Variants in NDUFB7 observed in about 807,000 individuals in gnomAD.
The protein encoded by NDUFB7 is NADH dehydrogenase [ubiquinone] 1 beta subcomplex subunit 7.
Under a neutral mutation model 14.7 loss-of-function variants are expected in NDUFB7, and 18 were observed. The observed-to-expected ratio is 1.22, with a 90% CI of 0.85 to 1.81. NDUFB7 has a LOEUF of 1.81. Ranked by LOEUF, NDUFB7 falls within the 40% of genes most tolerant of loss-of-function variation. The pLI is 0.00. For missense variants in NDUFB7, 219 were observed against 195.0 expected (o/e 1.12, Z -0.73); for synonymous variants, 86 against 76.1 (o/e 1.13, Z -0.68).
chr19:14,566,627 T>G, intron 2 of NDUFB7, 138 bp downstream of exon 2: 1 of 613,100 alleles, frequency 1.6e-6, no homozygotes, highest in Non-Finnish European at 2.6e-6. Flanking sequence ...GGGTGCAGGC[T>G]GTGGGTGTTG....
In NDUFB7 at chr19:14,566,281, G is replaced by C. The variant is rs763918861; in HGVS notation, c.282-16C>G. ...CATCACATAGCTGGGGGAAAAGCACGAGAGGGGCTGTCAGGGTCCCTGGCC... is the reference window on the plus strand; with the variant it reads ...CATCACATAGCTGGGGGAAAAGCACCAGAGGGGCTGTCAGGGTCCCTGGCC... On this transcript the variant is annotated splice_polypyrimidine_tract_variant and intron_variant, in intron 2 of 2. Coordinates refer to ENST00000215565, the MANE Select transcript of NDUFB7 (RefSeq NM_004146.6). 3.7e-6 allele frequency: 6 copies of C among 1,613,536 alleles called. No homozygotes were observed. The highest frequency in any genetic ancestry group is 5.1e-6 in the Non-Finnish European group (6 of 1,179,876).
intron 1 of NDUFB7, among the ~76,000 whole-genome samples, chr19:14,569,969 C>T (rs1363559080): frequency 6.6e-6 from 1 of 151,940 alleles, no homozygotes; most frequent in Non-Finnish European, 1.5e-5. Context: ...TGGTTCACTG[C>T]AACCTCTGCC....
chr19:14,569,800 C>T (rs575237099), intron 1 of NDUFB7, among the ~76,000 whole-genome samples: 2 of 152,336 alleles, frequency 1.3e-5, no homozygotes, highest in South Asian at 2.1e-4. Flanking sequence ...TTTTGACCAA[C>T]CAAAACTGAT....
Position 14,571,955 on chromosome 19 carries a change from C to T in NDUFB7, c.46G>A (p.Glu16Lys), listed in dbSNP as rs139187599. 1 of 1,611,408 alleles carries T rather than the reference C, an allele frequency of 6.2e-7. No homozygotes were observed. The highest frequency in any genetic ancestry group is 8.5e-7 in the Non-Finnish European group (1 of 1,179,228). ...GTTGGCATCTGCAGGGGGTCGGGCT[C>T]CACCGAGGCATCGCCCAGGTAGCGC... ...VRRYLGDASVEPDPLQMPTFP... is the reference protein window; with the variant it reads ...VRRYLGDASVKPDPLQMPTFP... The change falls in exon 1 of 3, where the codon GAG becomes AAG. Residue 16 changes from glutamate (E) to lysine (K), a missense_variant. Glu to Lys is a moderately conservative substitution (Grantham distance 56). Transcript: ENST00000215565.
At chr19:14,568,670 CTTAAGTATT>C (rs2074107416) in intron 1 of NDUFB7, among the ~76,000 whole-genome samples, 1 of 152,154 alleles carries the variant, frequency 6.6e-6, no homozygotes, top group Non-Finnish European at 1.5e-5. Flanking sequence ...TCTGGCAGTG[CTTAAGTATT>C]AGGGAGACCA....
chr19:14,566,889 G>T lies in NDUFB7; in HGVS notation c.157C>A (p.Leu53Ile). 1 of 1,582,094 alleles carries T rather than the reference G, an allele frequency of 6.3e-7. No homozygotes were observed. The change falls in exon 2 of 3, where the codon CTC becomes ATC. Residue 53 changes from leucine (L) to isoleucine (I), a missense_variant. Physicochemically the swap from Leu to Ile is conservative, Grantham distance 5. Coordinates refer to ENST00000215565, the MANE Select transcript of NDUFB7 (RefSeq NM_004146.6). Reference protein sequence around the residue: ...QQEMMDAQLRLQLRDYCAHHL... With the variant: ...QQEMMDAQLRIQLRDYCAHHL... ...TGGGCGCAGTAGTCCCGCAGCTGGA[G>T]CCTCAGCTGCGCGTCCATCATCTCC...
chr19:14,569,854 T>C (rs1251662895), intron 1 of NDUFB7, among the ~76,000 whole-genome samples: 2 of 152,184 alleles, frequency 1.3e-5, no homozygotes, highest in Non-Finnish European at 2.9e-5. Flanking sequence ...CCACCTCTCT[T>C]TGGTCAACCC....
chr19:14,567,071 G>A lies in NDUFB7; in HGVS notation c.113-138C>T, dbSNP rs775597616. On this transcript the variant is annotated intron_variant, in intron 1 of 2. Transcript: ENST00000215565. This position sits in a 1 kb window ranked among gnomAD's most constrained non-coding sequence, Gnocchi z 5.1. Reference sequence around the variant, plus strand: ...CATTCACATCCAGATGGCAGTGGATGGCAGATGCCTTTGACGGATGCACTG... The same window carrying A: ...CATTCACATCCAGATGGCAGTGGATAGCAGATGCCTTTGACGGATGCACTG... 2.9e-4 allele frequency: 248 copies of A among 847,230 alleles called. No individual in the cohort carries two copies. The highest frequency in any genetic ancestry group is 4.2e-4 in the Non-Finnish European group (233 of 556,864). The allele number at this position is 847,230 out of a possible 1,614,324, so 52.5% of individuals were successfully genotyped here. A position where few individuals can be genotyped will look rare whatever the true frequency, so the allele number is the denominator to read the frequency against.
At position 14,567,185 on chromosome 19, in the gene NDUFB7, A is replaced by C. The variant is rs1041641791; in HGVS notation, c.113-252T>G. 2.0e-5 allele frequency among the ~76,000 whole-genome samples: 3 copies of C among 152,060 alleles called. No individual in the cohort carries two copies. The highest frequency in any genetic ancestry group is 7.2e-5 in the African/African-American group (3 of 41,388). Reference sequence around the variant, plus strand: ...GAGAAGGTGGCTCCCCATCACCCTGAGGCACCTCAACATCCCGTGCCGGAT... The same window carrying C: ...GAGAAGGTGGCTCCCCATCACCCTGCGGCACCTCAACATCCCGTGCCGGAT... On this transcript the variant is annotated intron_variant, in intron 1 of 2. Transcript: ENST00000215565. This position sits in a 1 kb window ranked among gnomAD's most constrained non-coding sequence, Gnocchi z 5.1.
rs1473078305 is a variant in NDUFB7 at position 14,566,238 on chromosome 19, C to T, written c.309G>A (p.Glu103=). 10 of 1,614,140 alleles carry T rather than the reference C, an allele frequency of 6.2e-6. No individual in the cohort carries two copies. The highest frequency in any genetic ancestry group is 4.4e-5 in the South Asian group (4 of 91,084). ...TCCGCTGGAGCAGCCTCCGCTCCCGCTCAAACTCCTTCATGCGCATCACAT... is the reference window on the plus strand; with the variant it reads ...TCCGCTGGAGCAGCCTCCGCTCCCGTTCAAACTCCTTCATGCGCATCACAT... ...RDYVMRMKEF[E]RERRLLQRKK... is the part of the protein sequence containing the mutation. The change falls in exon 3 of 3, where the codon GAG becomes GAA. Residue 103 remains glutamate (E), a synonymous_variant. Transcript: ENST00000215565.
chr19:14,571,845 C>CCGCG, intron 1 of NDUFB7, 44 bp downstream of exon 1: 1 of 1,564,322 alleles, frequency 6.4e-7, no homozygotes. Flanking sequence ...GTTCAGGCAC[C>CCGCG]CGCGCCCCAC....
chr19:14,567,629 C>G lies in NDUFB7; in HGVS notation c.113-696G>C, dbSNP rs1360617334. Among the ~76,000 whole-genome samples the G allele has an allele frequency of 1.3e-5, 2 of 152,036 alleles. No homozygotes were observed. Among genetic ancestry groups the G allele is most frequent in the African/African-American group, 4.8e-5 (2 of 41,374 alleles). On this transcript the variant is annotated intron_variant, in intron 1 of 2. Transcript: ENST00000215565. The surrounding 1 kb of genome is among the most constrained non-coding windows in gnomAD (Gnocchi z 5.1). ...GGAATCCTGGACACTCACCCCGGAG[C>G]CTGTGCCTGGCGATCCTGCACTCGT...
In NDUFB7 at chr19:14,566,863, GT is replaced by G; in HGVS notation, c.182del (p.His61ProfsTer36). 6.4e-7 allele frequency: 1 copy of G among 1,572,660 alleles called. No homozygotes were observed. On this transcript the variant is annotated frameshift_variant, in exon 2 of 3. Coordinates refer to ENST00000215565, the MANE Select transcript of NDUFB7 (RefSeq NM_004146.6). LOFTEE classifies it high-confidence loss of function. The stretch of plus-strand genomic sequence containing the variant: ...TGCACTTGAGCAGCCGGATGAGGTG[GT>G]GGGCGCAGTAGTCCCGCAGCTGGAG... The part of the protein sequence containing the change: ...LRLQLRDYCA[H>X]HLIRLLKCKR...
intron 1 of NDUFB7, among the ~76,000 whole-genome samples, chr19:14,571,368 G>A (rs2074124009): frequency 6.6e-6 from 1 of 152,118 alleles, no homozygotes; most frequent in Admixed American, 6.5e-5. Flanking sequence ...GGCCGAGGCG[G>A]GCGGATCACT....
intron 1 of NDUFB7, among the ~76,000 whole-genome samples, chr19:14,570,356 C>T (rs181916272): frequency 2.6e-5 from 4 of 152,070 alleles, no homozygotes; most frequent in Admixed American, 6.6e-5. Flanking sequence ...TGCACCACCA[C>T]GCCCCTGGCT....
Position 14,572,035 on chromosome 19 carries a change from G to A in NDUFB7, c.-35C>T, listed in dbSNP as rs781006079. The stretch of plus-strand genomic sequence containing the variant: ...CGCTGCAGATCCCTGCAGCAGCCGA[G>A]GGTCACCTAGCTCCTACCCGGAACC... On this transcript the variant is annotated 5_prime_UTR_variant, in exon 1 of 3. Transcript: ENST00000215565. 3 of 1,508,116 alleles carry A rather than the reference G, an allele frequency of 2.0e-6. No homozygotes were observed. The highest frequency in any genetic ancestry group is 2.4e-5 in the East Asian group (1 of 41,708). The allele number at this position is 1,508,116 out of a possible 1,614,324, so 93.4% of individuals were successfully genotyped here.
rs191842921 is a variant in NDUFB7, at chr19:14,567,260, C to T, written c.113-327G>A. On this transcript the variant is annotated intron_variant, in intron 1 of 2. Coordinates refer to ENST00000215565, the MANE Select transcript of NDUFB7 (RefSeq NM_004146.6). The surrounding 1 kb of genome is among the most constrained non-coding windows in gnomAD (Gnocchi z 5.1). The stretch of plus-strand genomic sequence containing the variant: ...GCCCGTCCCCAGCTCTCTACAGCCC[C>T]GCTCTCCAGAGTCCGAGTTCAGAAT... 1.7e-4 allele frequency among the ~76,000 whole-genome samples: 26 copies of T among 152,204 alleles called. No individual in the cohort carries two copies. Among genetic ancestry groups the T allele is most frequent in the East Asian group, 9.7e-4 (5 of 5,162 alleles).
intron 1 of NDUFB7, among the ~76,000 whole-genome samples, chr19:14,569,027 G>A (rs2074109444): frequency 1.3e-5 from 2 of 152,032 alleles, no homozygotes; most frequent in African/African-American, 4.8e-5. Context: ...ATACAAAAAT[G>A]AGTCAGGTGT....
At chr19:14,569,500 C>CA (rs937708382) in intron 1 of NDUFB7, among the ~76,000 whole-genome samples, 4 of 151,948 alleles carry the variant, frequency 2.6e-5, no homozygotes, top group Non-Finnish European at 4.4e-5. Flanking sequence ...TGTTCAGTTG[C>CA]ACGGGGATAG....
Sources: gnomAD v4.1 joint callset for allele counts (sites outside exome capture counted in the v4.1 genomes callset) on GRCh38, gnomAD v4.1.1 for gene constraint, Gnocchi (gnomAD v3.1) non-coding constraint, MANE v1.5 for transcripts, NCBI Gene and HGNC (gene_info 2026-07-23, HGNC 2026-07-21) for gene names.